The following PYM1 variants were observed in gnomAD, a reference collection of about 807,000 sequenced individuals.
PYM1 encodes the protein partner of Y14 and mago.
A neutral mutation model predicts 20.7 loss-of-function variants in PYM1; 7 were observed. That is an observed-to-expected ratio of 0.34 (90% CI 0.19 to 0.64). The LOEUF is 0.64. PYM1 is among the 30% of genes least tolerant of loss of function. The pLI is 0.74. For missense variants in PYM1, 194 were observed against 250.0 expected (o/e 0.78, Z 1.51); for synonymous variants, 100 against 99.2 (o/e 1.01, Z -0.05).
At chr12:55,909,348 G>A (rs780616819) in intron 1 of PYM1, among the ~76,000 whole-genome samples, 33 of 152,236 alleles carry the variant, frequency 2.2e-4, no homozygotes, top group African/African-American at 6.5e-4. Context: ...GCATTTTCAG[G>A]CAACGACAAA....
chr12:55,924,336 A>ACCT (rs1041702341), intron 1 of PYM1, among the ~76,000 whole-genome samples: 1 of 152,148 alleles, frequency 6.6e-6, no homozygotes, highest in Non-Finnish European at 1.5e-5. Context: ...AAATATCAGG[A>ACCT]GATTTCTTCA....
Position 55,901,689 on chromosome 12 carries a change from A to G in PYM1, c.*183T>C. ...GGAGGGGGAAAGTCCAAAAAGTAGA[A>G]GTTGGGAAGAAAAGGGAAGGATTGA... On this transcript the variant is annotated 3_prime_UTR_variant, in exon 3 of 3. Coordinates refer to ENST00000408946, the MANE Select transcript of PYM1 (RefSeq NM_032345.3). The G allele has an allele frequency of 1.2e-6, 1 of 855,620 alleles. No individual in the cohort carries two copies. Among genetic ancestry groups the G allele is most frequent in the Non-Finnish European group, 1.7e-6 (1 of 574,020 alleles). 53.0% of individuals were successfully genotyped at this position (855,620 alleles called of 1,614,324 possible). A position where few individuals can be genotyped will look rare whatever the true frequency, so the allele number is the denominator to read the frequency against.
chr12:55,908,196 T>C (rs917596569), intron 1 of PYM1, among the ~76,000 whole-genome samples: 1 of 151,532 alleles, frequency 6.6e-6, no homozygotes, highest in African/African-American at 2.4e-5. Context: ...TGAGCCAAGA[T>C]TGCACCGCTG....
chr12:55,903,294 GGA>G, intron 2 of PYM1, 91 bp downstream of exon 2: 1 of 1,146,624 alleles, frequency 8.7e-7, no homozygotes, highest in Non-Finnish European at 1.3e-6. Flanking sequence ...TTGGGGCTTA[GGA>G]GAGTCCTCCC....
chr12:55,915,348 T>G (rs555053202), intron 1 of PYM1, among the ~76,000 whole-genome samples: 4 of 149,170 alleles, frequency 2.7e-5, no homozygotes, highest in Non-Finnish European at 5.9e-5. Context: ...TCTCCACAAA[T>G]ACAGCCTCAG....
rs1045039708 is a variant in PYM1, at chr12:55,901,834, G to A, written c.*38C>T. 5.1e-6 allele frequency: 8 copies of A among 1,557,078 alleles called. No homozygotes were observed. Among genetic ancestry groups the A allele is most frequent in the African/African-American group, 2.8e-5 (2 of 72,522 alleles). ...TCCCCCAGACCCCAGAGAGCCCCAC[G>A]GTTTGTTCTGCAGTCCATTCCCTAT... On this transcript the variant is annotated 3_prime_UTR_variant, in exon 3 of 3. Coordinates refer to ENST00000408946, the MANE Select transcript of PYM1 (RefSeq NM_032345.3).
intron 1 of PYM1, among the ~76,000 whole-genome samples, chr12:55,909,970 T>G (rs959003356): frequency 2.0e-5 from 3 of 152,014 alleles, no homozygotes; most frequent in Non-Finnish European, 4.4e-5. Flanking sequence ...GAGGCCAAGA[T>G]GGGAGGATCC....
At chr12:55,912,593 A>T (rs568377278) in intron 1 of PYM1, among the ~76,000 whole-genome samples, 1 of 144,302 alleles carries the variant, frequency 6.9e-6, no homozygotes, top group African/African-American at 2.6e-5. Context: ...AGAGGGGGGA[A>T]AAAAAAAAGG....
At position 55,901,582 on chromosome 12, in the gene PYM1, C is replaced by T. The variant is rs769176257; in HGVS notation, c.*290G>A. ...CAGTTCTCCAAGAGATTCCCACCCA[C>T]CTGATTTTCTTTTAAACAAGACACC... On this transcript the variant is annotated 3_prime_UTR_variant, in exon 3 of 3. Coordinates refer to ENST00000408946, the MANE Select transcript of PYM1 (RefSeq NM_032345.3). 5.9e-6 allele frequency: 2 copies of T among 340,376 alleles called. No individual in the cohort carries two copies. The highest frequency in any genetic ancestry group is 1.1e-5 in the Non-Finnish European group (2 of 186,334). 21.1% of individuals were successfully genotyped at this position (340,376 alleles called of 1,614,324 possible).
At position 55,901,598 on chromosome 12, in the gene PYM1, A is replaced by C; in HGVS notation, c.*274T>G. On this transcript the variant is annotated 3_prime_UTR_variant, in exon 3 of 3. Transcript: ENST00000408946. ...TCCCACCCACCTGATTTTCTTTTAA[A>C]CAAGACACCCAAATCAGCAGCAAAG... The C allele has an allele frequency of 2.6e-6, 1 of 383,922 alleles. No individual in the cohort carries two copies. The highest frequency in any genetic ancestry group is 4.7e-6 in the Non-Finnish European group (1 of 213,762). The allele number at this position is 383,922 out of a possible 1,614,324, so 23.8% of individuals were successfully genotyped here. A position where few individuals can be genotyped will look rare whatever the true frequency, so the allele number is the denominator to read the frequency against.
At chr12:55,919,013 A>C (rs1457671601) in intron 1 of PYM1, among the ~76,000 whole-genome samples, 3 of 152,246 alleles carry the variant, frequency 2.0e-5, no homozygotes. Context: ...TGGGTTAAAC[A>C]CCAAAAAAGA....
At chr12:55,911,917 G>C (rs1325936390) in intron 1 of PYM1, among the ~76,000 whole-genome samples, 1 of 151,944 alleles carries the variant, frequency 6.6e-6, no homozygotes, top group East Asian at 1.9e-4. Context: ...ATGGTTTGTA[G>C]GGCATGACTC....
intron 2 of PYM1, 57 bp downstream of exon 2, chr12:55,903,330 T>G: frequency 6.8e-7 from 1 of 1,460,090 alleles, no homozygotes; most frequent in Non-Finnish European, 9.6e-7. Flanking sequence ...ATAAGGATAT[T>G]CTATCCTTCT....
intron 1 of PYM1, among the ~76,000 whole-genome samples, chr12:55,906,949 G>A (rs572969808): frequency 1.3e-5 from 2 of 151,910 alleles, no homozygotes; most frequent in Non-Finnish European, 2.9e-5. Context: ...CACCCAGCCA[G>A]TATGGTACTA....
At chr12:55,918,873 A>C (rs1883052951) in intron 1 of PYM1, among the ~76,000 whole-genome samples, 1 of 152,204 alleles carries the variant, frequency 6.6e-6, no homozygotes, top group African/African-American at 2.4e-5. Context: ...ATCTCAAAAA[A>C]ACAAAAATAA....
chr12:55,920,505 G>T (rs1218798978), intron 1 of PYM1, among the ~76,000 whole-genome samples: 2 of 151,890 alleles, frequency 1.3e-5, no homozygotes, highest in Non-Finnish European at 2.9e-5. Flanking sequence ...GGGAGTGGGG[G>T]TGCATGCCTG....
chr12:55,914,422 G>C (rs1281044958), intron 1 of PYM1: 1 of 696,106 alleles, frequency 1.4e-6, no homozygotes, highest in Non-Finnish European at 2.6e-6. Flanking sequence ...ATCTTGCAGA[G>C]AGTCAAAAAC....
At chr12:55,923,143 G>A (rs1471933438) in intron 1 of PYM1, among the ~76,000 whole-genome samples, 1 of 152,158 alleles carries the variant, frequency 6.6e-6, no homozygotes, top group East Asian at 1.9e-4. Flanking sequence ...AGAATCACTT[G>A]AACCCGGGAG....
At position 55,911,852 on chromosome 12, in the gene PYM1, G is replaced by C. The variant is rs369219875; in HGVS notation, c.38-8372C>G. Reference sequence around the variant, plus strand: ...GCGAAACTCCATCAAGAAAAGAGAAGGGGAGGGGAGGGGAGGGGAGATACA... The same window carrying C: ...GCGAAACTCCATCAAGAAAAGAGAACGGGAGGGGAGGGGAGGGGAGATACA... On this transcript the variant is annotated intron_variant, in intron 1 of 2. Transcript: ENST00000408946. 4.6e-5 allele frequency among the ~76,000 whole-genome samples: 7 copies of C among 150,608 alleles called. No homozygotes were observed. The East Asian group carries it at 1.4e-3, about 30-fold the overall frequency.
Sources: allele counts gnomAD v4.1 joint callset (sites outside exome capture counted in the v4.1 genomes callset), GRCh38; gene constraint gnomAD v4.1.1; transcripts MANE v1.5; gene names NCBI Gene and HGNC (gene_info 2026-07-23, HGNC 2026-07-21).